The following ESRRB variants were observed in gnomAD, a reference collection of about 807,000 sequenced individuals.
The protein encoded by ESRRB is steroid hormone receptor ERR2.
In ESRRB, 16 loss-of-function variants were observed where a neutral mutation model predicts 46.0. That is an observed-to-expected ratio of 0.35 (90% CI 0.24 to 0.53). ESRRB has a LOEUF of 0.53. Among genes scored for constraint, ESRRB ranks in the 20% least tolerant of loss-of-function variants. The pLI, the probability that ESRRB is intolerant of heterozygous loss-of-function variation, is 0.93. For synonymous variants in ESRRB, 246 were observed against 259.6 expected (o/e 0.95, Z 0.50); for missense variants, 488 against 607.4 (o/e 0.80, Z 2.07).
intron 1 of ESRRB, among the ~76,000 whole-genome samples, chr14:76,357,371 C>T (rs1884394964): frequency 6.6e-6 from 1 of 152,100 alleles, no homozygotes. Context: ...GAAATAATTC[C>T]AGAGAAGAAA....
At chr14:76,311,987 A>G (rs1055115866) in intron 1 of ESRRB, among the ~76,000 whole-genome samples, 2 of 136,304 alleles carry the variant, frequency 1.5e-5, no homozygotes, top group African/African-American at 5.3e-5. Flanking sequence ...AAAAAAAAAA[A>G]AAAAAGTAAT....
chr14:76,425,041 G>A (rs7155792), intron 1 of ESRRB, among the ~76,000 whole-genome samples: 12,127 of 152,110 alleles, frequency 0.08, 622 homozygotes, highest in East Asian at 0.21. Flanking sequence ...GAGCCACTGC[G>A]CCTGGCCTGA....
At chr14:76,494,866 C>T (rs1890363218) in intron 6 of ESRRB, among the ~76,000 whole-genome samples, 1 of 152,178 alleles carries the variant, frequency 6.6e-6, no homozygotes, top group African/African-American at 2.4e-5. Flanking sequence ...ATTCTGGGCT[C>T]TCCTAACTTA....
At chr14:76,321,924 G>C (rs1403193135) in intron 1 of ESRRB, among the ~76,000 whole-genome samples, 1 of 151,632 alleles carries the variant, frequency 6.6e-6, no homozygotes, top group Non-Finnish European at 1.5e-5. Context: ...TTATACAAAA[G>C]AGGAAACTGA....
intron 1 of ESRRB, among the ~76,000 whole-genome samples, chr14:76,417,635 T>C (rs1886762715): frequency 6.6e-6 from 1 of 152,180 alleles, no homozygotes; most frequent in Admixed American, 6.5e-5. Context: ...TATGTTGGGG[T>C]AATTCTGTAG....
intron 1 of ESRRB, among the ~76,000 whole-genome samples, chr14:76,354,520 G>A (rs1395992074): frequency 6.6e-6 from 1 of 151,930 alleles, no homozygotes; most frequent in Non-Finnish European, 1.5e-5. Flanking sequence ...GGTCCCGGGG[G>A]TGAGGGATTC....
chr14:76,373,724 G>A (rs1164805505), upstream of ESRRB, among the ~76,000 whole-genome samples: 2 of 152,196 alleles, frequency 1.3e-5, no homozygotes, highest in East Asian at 3.8e-4. Flanking sequence ...CTCAGGCAGA[G>A]GAAGGCTGAG....
chr14:76,341,654 G>A (rs1884193038), intron 1 of ESRRB, among the ~76,000 whole-genome samples: 1 of 152,202 alleles, frequency 6.6e-6, no homozygotes, highest in African/African-American at 2.4e-5. Context: ...ATTGATCAAG[G>A]CAGTCTTGCT....
intron 1 of ESRRB, among the ~76,000 whole-genome samples, chr14:76,350,845 G>A (rs575041238): frequency 6.6e-5 from 10 of 152,280 alleles, no homozygotes; most frequent in South Asian, 2.1e-4. Flanking sequence ...CCTGTCCTTC[G>A]GCAGGAATCA....
At chr14:76,458,378 TAAA>T (rs1888700741) in intron 2 of ESRRB, among the ~76,000 whole-genome samples, 1 of 150,604 alleles carries the variant, frequency 6.6e-6, no homozygotes, top group African/African-American at 2.4e-5. Flanking sequence ...GGCCATAAAA[TAAA>T]TTGAAAGGAA....
At chr14:76,460,695 T>C (rs1888813830) in intron 2 of ESRRB, among the ~76,000 whole-genome samples, 1 of 148,412 alleles carries the variant, frequency 6.7e-6, no homozygotes, top group Non-Finnish European at 1.5e-5. Flanking sequence ...TCTTCATTTG[T>C]ACGTTCCAGT....
chr14:76,353,264 G>C (rs1884336443), intron 1 of ESRRB, among the ~76,000 whole-genome samples: 1 of 152,218 alleles, frequency 6.6e-6, no homozygotes, highest in Admixed American at 6.5e-5. Flanking sequence ...AGGGAGTTTA[G>C]CTAGGAGACA....
intron 2 of ESRRB, among the ~76,000 whole-genome samples, 159 bp from the exon 3 acceptor site, chr14:76,462,386 C>T (rs568498619): frequency 2.0e-5 from 3 of 152,278 alleles, no homozygotes; most frequent in Admixed American, 6.5e-5. Flanking sequence ...TGGAAGAGTT[C>T]AAAATGTTCT....
chr14:76,467,904 GCCCGCTCCATTTCTCCCCCACT>G (rs1349927750), intron 3 of ESRRB, among the ~76,000 whole-genome samples: 1 of 152,060 alleles, frequency 6.6e-6, no homozygotes, highest in East Asian at 1.9e-4. Flanking sequence ...GGCCTCCCAA[GCCCGCTCCATTTCTCCCCCACT>G]CAGCCCCTGC....
chr14:76,422,405 G>C (rs180998646), intron 1 of ESRRB, among the ~76,000 whole-genome samples: 1 of 151,734 alleles, frequency 6.6e-6, no homozygotes, highest in Non-Finnish European at 1.5e-5. Flanking sequence ...TAGAGACAAG[G>C]TTTCACCATG....
At chr14:76,440,756 G>A (rs540380511) in intron 2 of ESRRB, among the ~76,000 whole-genome samples, 2 of 148,994 alleles carry the variant, frequency 1.3e-5, no homozygotes, top group Non-Finnish European at 3.0e-5. Flanking sequence ...TGAGAGTCTC[G>A]GGCCAGGCAC....
chr14:76,482,101 A>G lies in ESRRB; in HGVS notation c.663A>G (p.Gln221=). 6.2e-7 allele frequency: 1 copy of G among 1,614,152 alleles called. No individual in the cohort carries two copies. The highest frequency in any genetic ancestry group is 1.1e-5 in the South Asian group (1 of 91,076). The change falls in exon 4 of 7, where the codon CAA becomes CAG. Residue 221 remains glutamine, a synonymous_variant. Transcript: ENST00000644823. The surrounding 1 kb of genome is among the most constrained non-coding windows in gnomAD (Gnocchi z 4.3). ...DSESSPYLSL[Q]ISPPAKKPLT... ...AGAGCAGCCCATACCTGAGCTTACA[A>G]ATTTCTCCACCTGCTAAAAAGCCAT...
At chr14:76,443,027 G>A (rs1409369150) in intron 2 of ESRRB, among the ~76,000 whole-genome samples, 6 of 151,676 alleles carry the variant, frequency 4.0e-5, no homozygotes, top group Non-Finnish European at 8.8e-5. Context: ...TGTTGGCTAG[G>A]CTGGTCTCAA....
At chr14:76,342,476 C>T (rs1884202624) in intron 1 of ESRRB, among the ~76,000 whole-genome samples, 1 of 152,208 alleles carries the variant, frequency 6.6e-6, no homozygotes, top group Admixed American at 6.5e-5. Flanking sequence ...GGCATTCTTC[C>T]ACCTGACACC....
Sources: gnomAD v4.1 joint callset for allele counts (sites outside exome capture counted in the v4.1 genomes callset) on GRCh38, gnomAD v4.1.1 for gene constraint, Gnocchi (gnomAD v3.1) non-coding constraint, MANE v1.5 for transcripts, NCBI Gene and HGNC (gene_info 2026-07-23, HGNC 2026-07-21) for gene names.